The following ENPP1 variants were observed in gnomAD, a reference collection of about 807,000 sequenced individuals.
The protein encoded by ENPP1 is ectonucleotide pyrophosphatase/phosphodiesterase 1.
A neutral mutation model predicts 122.8 loss-of-function variants in ENPP1; 73 were observed. The observed-to-expected ratio is 0.59, with a 90% CI of 0.49 to 0.72. The LOEUF is 0.72. Among genes scored for constraint, ENPP1 ranks in the 30% least tolerant of loss-of-function variants. The probability of loss-of-function intolerance (pLI) is 0.00; values close to 1 mark genes in which losing one functional copy is unlikely to be tolerated. For synonymous variants in ENPP1, 367 were observed against 391.6 expected (o/e 0.94, Z 0.74); for missense variants, 978 against 1,128.1 (o/e 0.87, Z 1.91).
chr6:131,850,421 T>C (rs549874914), intron 3 of ENPP1, among the ~76,000 whole-genome samples: 2 of 152,346 alleles, frequency 1.3e-5, no homozygotes, highest in African/African-American at 2.4e-5. Flanking sequence ...ATTTTCATTA[T>C]GGTTCTTTGA....
rs559298860 is a variant in ENPP1, at chr6:131,877,095, C to A, written c.1827C>A (p.His609Gln). 2 of 1,614,024 alleles carry A rather than the reference C, an allele frequency of 1.2e-6. No homozygotes were observed. Among genetic ancestry groups the A allele is most frequent in the Non-Finnish European group, 1.7e-6 (2 of 1,179,968 alleles). The change falls in exon 18 of 25, where the codon CAC (histidine) becomes CAA (glutamine). Residue 609 changes from histidine to glutamine, a missense_variant. Physicochemically the swap from His to Gln is conservative, Grantham distance 24. Around this residue, in one of 3 missense-constraint regions of ENPP1, gnomAD observed 644 missense variants for 781.5 expected, o/e 0.82. Coordinates refer to ENST00000647893, the MANE Select transcript of ENPP1 (RefSeq NM_006208.3). ...CGCCAAAGCATCCCAAAGAAGTGCA[C>A]CCCCTGGTACAGTGCCCCTTCACAA... is the stretch of plus-strand genomic sequence containing the variant. ...VYTPKHPKEV[H>Q]PLVQCPFTRN...
At chr6:131,869,216 C>T (rs879654311) in intron 12 of ENPP1, 142 bp from the exon 13 acceptor site, 18 of 776,820 alleles carry the variant, frequency 2.3e-5, no homozygotes, top group Non-Finnish European at 3.7e-5. Context: ...GAAATTCTGT[C>T]TTACCTATCA....
At position 131,852,301 on chromosome 6, in the gene ENPP1, C is replaced by A; in HGVS notation, c.617+66C>A. ...AAGTACAGCATCATTTTTTTCTTTC[C>A]AAATTAAGATGATAAAAATAATAAA... On this transcript the variant is annotated intron_variant, in intron 5 of 24. Coordinates refer to ENST00000647893, the MANE Select transcript of ENPP1 (RefSeq NM_006208.3). The A allele has an allele frequency of 5.3e-6, 5 of 936,090 alleles. No homozygotes were observed. In the East Asian group the frequency reaches 1.2e-4, roughly 23 times the overall value. 58.0% of individuals were successfully genotyped at this position (936,090 alleles called of 1,614,324 possible).
chr6:131,873,609 T>A (rs1412222347), intron 15 of ENPP1, among the ~76,000 whole-genome samples: 1 of 152,048 alleles, frequency 6.6e-6, no homozygotes, highest in Admixed American at 6.6e-5. Context: ...TCAATAAACT[T>A]TAGTTTATTG....
At chr6:131,839,049 G>A (rs950656026) in intron 1 of ENPP1, among the ~76,000 whole-genome samples, 5 of 152,052 alleles carry the variant, frequency 3.3e-5, no homozygotes, top group Admixed American at 2.0e-4. Flanking sequence ...AAGGAGAAAC[G>A]AACTCTAATC....
chr6:131,846,176 A>G (rs1354517083), intron 1 of ENPP1, among the ~76,000 whole-genome samples: 1 of 152,122 alleles, frequency 6.6e-6, no homozygotes, highest in East Asian at 1.9e-4. Flanking sequence ...CATCTGAAGG[A>G]ATGAATTCTT....
chr6:131,824,469 G>GTT (rs146866542), intron 1 of ENPP1, among the ~76,000 whole-genome samples: 38 of 151,288 alleles, frequency 2.5e-4, no homozygotes, highest in Non-Finnish European at 4.0e-4. Context: ...TGTTGTTGTT[G>GTT]TTTGAGACGG....
intron 1 of ENPP1, chr6:131,825,844 T>C (rs941259713): frequency 2.9e-5 from 7 of 240,522 alleles, no homozygotes; most frequent in Non-Finnish European, 4.9e-5. Flanking sequence ...AATTATAAGC[T>C]CATATATTAA....
At chr6:131,863,355 A>G (rs1782046890) in intron 9 of ENPP1, among the ~76,000 whole-genome samples, 1 of 152,212 alleles carries the variant, frequency 6.6e-6, no homozygotes, top group African/African-American at 2.4e-5. Flanking sequence ...AAACTTTTTA[A>G]TGGAAGAACC....
At chr6:131,809,262 C>A (rs530629868) in intron 1 of ENPP1, among the ~76,000 whole-genome samples, 1 of 152,002 alleles carries the variant, frequency 6.6e-6, no homozygotes, top group Non-Finnish European at 1.5e-5. Context: ...AAAATATATC[C>A]CCTTACATAT....
At chr6:131,820,728 G>T (rs73780765) in intron 1 of ENPP1, 1 of 152,228 alleles carries the variant, frequency 6.6e-6, no homozygotes, top group African/African-American at 2.4e-5. Context: ...AAAAATCATG[G>T]CTCAGAGAAA....
At chr6:131,823,461 G>T (rs894636489) in intron 1 of ENPP1, among the ~76,000 whole-genome samples, 3 of 152,080 alleles carry the variant, frequency 2.0e-5, no homozygotes, top group African/African-American at 7.2e-5. Flanking sequence ...GTCAAAAAAG[G>T]ACTGAAGATG....
intron 21 of ENPP1, 89 bp downstream of exon 21, chr6:131,882,563 A>G: frequency 2.0e-6 from 1 of 508,614 alleles, no homozygotes; most frequent in Admixed American, 2.7e-5. Context: ...AGGGTAATAT[A>G]TATATTACCT....
intron 1 of ENPP1, 93 bp downstream of exon 1, chr6:131,808,368 G>T (rs1490004846): frequency 7.4e-7 from 1 of 1,355,170 alleles, no homozygotes; most frequent in South Asian, 1.7e-5. Context: ...GTCAGCACCG[G>T]GCACCGGAGA....
At position 131,883,739 on chromosome 6, in the gene ENPP1, C is replaced by A; in HGVS notation, c.2276C>A (p.Thr759Asn). The change falls in exon 22 of 25, where the codon ACT becomes AAT. Residue 759 changes from threonine to asparagine, a missense_variant. Around this residue, in one of 3 missense-constraint regions of ENPP1, gnomAD observed 644 missense variants for 781.5 expected, o/e 0.82. Coordinates refer to ENST00000647893, the MANE Select transcript of ENPP1 (RefSeq NM_006208.3). ...GGAATATATTCTGAAGCTTTGCTTACTACAAATATAGTGCCAATGTACCAG... is the reference window on the plus strand; with the variant it reads ...GGAATATATTCTGAAGCTTTGCTTAATACAAATATAGTGCCAATGTACCAG... The part of the protein sequence containing the change: ...SSGIYSEALL[T>N]TNIVPMYQSF... 1 of 1,529,568 alleles carries A rather than the reference C, an allele frequency of 6.5e-7. No homozygotes were observed. Among genetic ancestry groups the A allele is most frequent in the Non-Finnish European group, 9.1e-7 (1 of 1,103,774 alleles). 94.7% of individuals were successfully genotyped at this position (1,529,568 alleles called of 1,614,324 possible).
At chr6:131,841,690 A>G (rs1014607545) in intron 1 of ENPP1, among the ~76,000 whole-genome samples, 1 of 152,328 alleles carries the variant, frequency 6.6e-6, no homozygotes, top group South Asian at 2.1e-4. Context: ...TGGAAAACAC[A>G]GGGTTGAATA....
intron 18 of ENPP1, chr6:131,877,587 G>C (rs1782246865): frequency 1.1e-5 from 2 of 178,660 alleles, no homozygotes; most frequent in Non-Finnish European, 2.4e-5. Flanking sequence ...GGAGAAAAAA[G>C]ATTTCTTGGT....
chr6:131,870,909 C>T (rs946081166), intron 13 of ENPP1, among the ~76,000 whole-genome samples: 1 of 152,094 alleles, frequency 6.6e-6, no homozygotes. Flanking sequence ...AAACCCGTCT[C>T]TATGAAAAAT....
At chr6:131,873,133 T>G (rs1200983805) in intron 15 of ENPP1, 83 bp downstream of exon 15, 3 of 1,442,548 alleles carry the variant, frequency 2.1e-6, no homozygotes, top group African/African-American at 1.4e-5. Flanking sequence ...CTAACAATAT[T>G]GTTATGTGAA....
Sources: gnomAD v4.1 joint callset for allele counts (sites outside exome capture counted in the v4.1 genomes callset) on GRCh38, gnomAD v4.1.1 for gene constraint, gnomAD v4.1.1 regional missense constraint, MANE v1.5 for transcripts, NCBI Gene and HGNC (gene_info 2026-07-23, HGNC 2026-07-21) for gene names.